FOXK1: variants seen among roughly 807,000 people sequenced by gnomAD.
FOXK1 encodes the protein forkhead box K1, also known as forkhead box protein K1.
In FOXK1, 19 loss-of-function variants were observed where a neutral mutation model predicts 51.9. That is an observed-to-expected ratio of 0.37 (90% confidence interval 0.26 to 0.54). FOXK1 has a LOEUF of 0.54. Ranked by LOEUF, FOXK1 falls within the 20% of genes least tolerant of loss-of-function variation. FOXK1 has a pLI of 0.87. For missense variants in FOXK1, 870 were observed against 1,032.7 expected, an observed-to-expected ratio of 0.84 and a Z score of 2.16; for synonymous variants, 537 against 482.6, an observed-to-expected ratio of 1.11 and a Z score of -1.48.
intron 1 of FOXK1, among the ~76,000 whole-genome samples, chr7:4,721,974 C>T (rs765601911): frequency 2.0e-5 from 3 of 152,164 alleles, no homozygotes; most frequent in Non-Finnish European, 2.9e-5. Context: ...GCAGGAGTAA[C>T]GGGGACGCGC....
intron 1 of FOXK1, among the ~76,000 whole-genome samples, chr7:4,718,887 A>G (rs1264673064): frequency 1.3e-5 from 2 of 151,800 alleles, no homozygotes; most frequent in Admixed American, 1.3e-4. Context: ...TCGGCTCCCC[A>G]CAGCCTCCGC....
intron 2 of FOXK1, among the ~76,000 whole-genome samples, chr7:4,744,746 C>T (rs1427198097): frequency 6.6e-6 from 1 of 152,232 alleles, no homozygotes; most frequent in African/African-American, 2.4e-5. Flanking sequence ...GCTCTTGCTG[C>T]GGGAGCCAGG....
rs1345030833 is a variant in FOXK1, at chr7:4,715,997, C to G, written c.561-24841C>G. ...CTGTAATCCCAGCACTTTGGGAGGC[C>G]AAGGTGGGCAGATCACTTGAGGTAA... On this transcript the variant is annotated intron_variant, in intron 1 of 8. Coordinates refer to ENST00000328914, the MANE Select transcript of FOXK1 (RefSeq NM_001037165.2). This position sits in a 1 kb window ranked among gnomAD's most constrained non-coding sequence, Gnocchi z 4.5. Among the ~76,000 whole-genome samples, 5 of 152,054 alleles carry G rather than the reference C, an allele frequency of 3.3e-5. No homozygotes were observed. The highest frequency in any genetic ancestry group is 4.8e-5 in the African/African-American group (2 of 41,396).
In FOXK1 at chr7:4,715,802, G is replaced by T. The variant is rs1055855385; in HGVS notation, c.561-25036G>T. Among the ~76,000 whole-genome samples the T allele has an allele frequency of 2.0e-5, 3 of 152,150 alleles. No homozygotes were observed. Among genetic ancestry groups the T allele is most frequent in the Non-Finnish European group, 1.5e-5 (1 of 68,030 alleles). ...CGAAGAGCGCTCCCATCCACAGCCG[G>T]CTCTTTGAATACTTAAAGAAATGTA... On this transcript the variant is annotated intron_variant, in intron 1 of 8. Coordinates refer to ENST00000328914, the MANE Select transcript of FOXK1 (RefSeq NM_001037165.2). This position sits in a 1 kb window ranked among gnomAD's most constrained non-coding sequence, Gnocchi z 4.5.
Position 4,722,626 on chromosome 7 carries a change from C to T in FOXK1, c.561-18212C>T, listed in dbSNP as rs763332672. ...TGCACGTCAGCCGCACACTCATGCACGTTCATGTGCTGTCTCTAGTGTTTT... is the reference window on the plus strand; with the variant it reads ...TGCACGTCAGCCGCACACTCATGCATGTTCATGTGCTGTCTCTAGTGTTTT... On this transcript the variant is annotated intron_variant, in intron 1 of 8. Transcript: ENST00000328914. The surrounding 1 kb of genome is among the most constrained non-coding windows in gnomAD (Gnocchi z 5.1). Among the ~76,000 whole-genome samples the T allele has an allele frequency of 2.6e-5, 4 of 152,246 alleles. No homozygotes were observed. The highest frequency in any genetic ancestry group is 5.9e-5 in the Non-Finnish European group (4 of 68,048).
chr7:4,699,851 C>T (rs965789174), intron 1 of FOXK1, among the ~76,000 whole-genome samples: 3 of 152,158 alleles, frequency 2.0e-5, no homozygotes, highest in African/African-American at 4.8e-5. Context: ...CATGTGCTTG[C>T]GTTTCCTGGG....
intron 7 of FOXK1, among the ~76,000 whole-genome samples, chr7:4,760,265 T>C (rs559993029): frequency 6.6e-6 from 1 of 152,324 alleles, no homozygotes; most frequent in Admixed American, 6.5e-5. Flanking sequence ...GAAAAAGTAG[T>C]TCTGAATTGC....
In FOXK1 at chr7:4,758,845, C is replaced by T; in HGVS notation, c.1245-206C>T. The T allele has an allele frequency of 1.7e-6, 1 of 591,850 alleles. No homozygotes were observed. Among genetic ancestry groups the T allele is most frequent in the South Asian group, 2.1e-5 (1 of 48,104 alleles). The allele number at this position is 591,850 out of a possible 1,614,324, so 36.7% of individuals were successfully genotyped here. On this transcript the variant is annotated intron_variant, in intron 5 of 8. Coordinates refer to ENST00000328914, the MANE Select transcript of FOXK1 (RefSeq NM_001037165.2). The surrounding 1 kb of genome is among the most constrained non-coding windows in gnomAD (Gnocchi z 4.4). ...TACCGTCCCCTCTCATGGAACGGAG[C>T]CTCCCCCATGCAGCCCCCACTCAAA...
Position 4,723,805 on chromosome 7 carries a change from C to G in FOXK1, c.561-17033C>G, listed in dbSNP as rs372288601. On this transcript the variant is annotated intron_variant, in intron 1 of 8. Transcript: ENST00000328914. The surrounding 1 kb of genome is among the most constrained non-coding windows in gnomAD (Gnocchi z 4.7). ...GCCTCAGCCTCCCAAATAGCTGAGA[C>G]TACCAGTGTGCACCACCACACCTGG... is the stretch of plus-strand genomic sequence containing the variant. Among the ~76,000 whole-genome samples, 15 of 152,054 alleles carry G rather than the reference C, an allele frequency of 9.9e-5. No homozygotes were observed. The highest frequency in any genetic ancestry group is 5.8e-4 in the East Asian group (3 of 5,158).
At position 4,755,722 on chromosome 7, in the gene FOXK1, C is replaced by A. The variant is rs1780838009; in HGVS notation, c.1050+339C>A. ...CTCCAGCCTGGGAGACAGAGAAAGA[C>A]CCTGTGTCTACAAAGAAAAAAAATA... is the stretch of plus-strand genomic sequence containing the variant. On this transcript the variant is annotated intron_variant, in intron 4 of 8. Coordinates refer to ENST00000328914, the MANE Select transcript of FOXK1 (RefSeq NM_001037165.2). The surrounding 1 kb of genome is among the most constrained non-coding windows in gnomAD (Gnocchi z 6.6). 6.6e-6 allele frequency among the ~76,000 whole-genome samples: 1 copy of A among 152,104 alleles called. No homozygotes were observed. Among genetic ancestry groups the A allele is most frequent in the Non-Finnish European group, 1.5e-5 (1 of 68,024 alleles).
intron 1 of FOXK1, among the ~76,000 whole-genome samples, chr7:4,718,677 C>T (rs1444457774): frequency 6.6e-6 from 1 of 152,208 alleles, no homozygotes; most frequent in Non-Finnish European, 1.5e-5. Flanking sequence ...CTGCCGACCT[C>T]GCTTTCAGAG....
chr7:4,703,901 A>T lies in FOXK1; in HGVS notation c.560+21033A>T, dbSNP rs1780050326. On this transcript the variant is annotated intron_variant, in intron 1 of 8. Coordinates refer to ENST00000328914, the MANE Select transcript of FOXK1 (RefSeq NM_001037165.2). This position sits in a 1 kb window ranked among gnomAD's most constrained non-coding sequence, Gnocchi z 5.6. ...ACATTACATTATGACCATGAAGGCT[A>T]AATACTCCCAGTCACTATAAATACA... Among the ~76,000 whole-genome samples the T allele has an allele frequency of 6.6e-6, 1 of 152,208 alleles. No individual in the cohort carries two copies. Among genetic ancestry groups the T allele is most frequent in the African/African-American group, 2.4e-5 (1 of 41,454 alleles).
intron 1 of FOXK1, among the ~76,000 whole-genome samples, chr7:4,718,461 C>G (rs937232757): frequency 6.6e-6 from 1 of 152,212 alleles, no homozygotes; most frequent in African/African-American, 2.4e-5. Context: ...TGAGATGCCA[C>G]TGGGTGGAGG....
At chr7:4,713,886 C>T (rs991316522) in intron 1 of FOXK1, among the ~76,000 whole-genome samples, 2 of 151,634 alleles carry the variant, frequency 1.3e-5, no homozygotes, top group African/African-American at 4.9e-5. Flanking sequence ...AGTGCAGTGG[C>T]GTAGTCTTGG....
At chr7:4,741,323 G>GT (rs67202438) in intron 2 of FOXK1, among the ~76,000 whole-genome samples, 39 of 150,486 alleles carry the variant, frequency 2.6e-4, no homozygotes, top group Middle Eastern at 3.4e-3. Flanking sequence ...CGTTGAAAAT[G>GT]TTTTTTTTTT....
rs912722932 is a variant in FOXK1 at position 4,707,186 on chromosome 7, A to G, written c.560+24318A>G. ...TTACCACCCCTGGTGCGGTGGACACAGACATTGCCCAAACACTAACGGAGA... is the reference window on the plus strand; with the variant it reads ...TTACCACCCCTGGTGCGGTGGACACGGACATTGCCCAAACACTAACGGAGA... On this transcript the variant is annotated intron_variant, in intron 1 of 8. Transcript: ENST00000328914. The surrounding 1 kb of genome is among the most constrained non-coding windows in gnomAD (Gnocchi z 4.1). Among the ~76,000 whole-genome samples, 1 of 152,168 alleles carries G rather than the reference A, an allele frequency of 6.6e-6. No homozygotes were observed. Among genetic ancestry groups the G allele is most frequent in the African/African-American group, 2.4e-5 (1 of 41,450 alleles).
In FOXK1 at chr7:4,704,834, C is replaced by CTTTTTTTTTTTTT. The variant is rs775099211; in HGVS notation, c.560+21969_560+21981dup. Among the ~76,000 whole-genome samples the CTTTTTTTTTTTTT allele has an allele frequency of 7.0e-3, 913 of 131,266 alleles. 88 individuals carry two copies. The highest frequency in any genetic ancestry group is 0.027 in the African/African-American group (848 of 30,980). 86.1% of individuals were successfully genotyped at this position (131,266 alleles called of 152,430 possible). ...CTCCCAAACCAATCTATGTTTCATT[C>CTTTTTTTTTTTTT]TTTTTTTTTTTTTTTGAGAAAAAGT... On this transcript the variant is annotated intron_variant, in intron 1 of 8. Transcript: ENST00000328914.
At position 4,764,410 on chromosome 7, in the gene FOXK1, G is replaced by T. The variant is rs1583215404; in HGVS notation, c.*1946G>T. 6.5e-6 allele frequency: 1 copy of T among 154,508 alleles called. No homozygotes were observed. The highest frequency in any genetic ancestry group is 1.5e-5 in the Non-Finnish European group (1 of 68,288). The allele number at this position is 154,508 out of a possible 1,614,324, so 9.6% of individuals were successfully genotyped here. A position where few individuals can be genotyped will look rare whatever the true frequency, so the allele number is the denominator to read the frequency against. ...GCCCTGGGTGAGGTTTCAGAGAAAC[G>T]GGGGCAGGATGAACACAGCCGGCTG... is the stretch of plus-strand genomic sequence containing the variant. On this transcript the variant is annotated 3_prime_UTR_variant, in exon 9 of 9. Coordinates refer to ENST00000328914, the MANE Select transcript of FOXK1 (RefSeq NM_001037165.2).
In FOXK1 at chr7:4,722,723, A is replaced by C. The variant is rs1238813594; in HGVS notation, c.561-18115A>C. On this transcript the variant is annotated intron_variant, in intron 1 of 8. Transcript: ENST00000328914. The surrounding 1 kb of genome is among the most constrained non-coding windows in gnomAD (Gnocchi z 5.1). Reference sequence around the variant, plus strand: ...ACCCACCTCAGATGCTCGGGTGCACATCTGGGGAGAGTCAACCGCCCAGCA... The same window carrying C: ...ACCCACCTCAGATGCTCGGGTGCACCTCTGGGGAGAGTCAACCGCCCAGCA... Among the ~76,000 whole-genome samples the C allele has an allele frequency of 1.3e-5, 2 of 152,342 alleles. No individual in the cohort carries two copies. The highest frequency in any genetic ancestry group is 4.8e-5 in the African/African-American group (2 of 41,588).
Sources: allele counts gnomAD v4.1 joint callset (sites outside exome capture counted in the v4.1 genomes callset), GRCh38; gene constraint gnomAD v4.1.1; non-coding constraint Gnocchi (gnomAD v3.1); transcripts MANE v1.5; gene names NCBI Gene and HGNC (gene_info 2026-07-23, HGNC 2026-07-21).